The following SBF2 variants were observed in gnomAD, a reference collection of about 807,000 sequenced individuals.
SBF2 encodes the protein SET binding factor 2, also known as myotubularin-related protein 13.
In SBF2, 112 loss-of-function variants were observed where a neutral mutation model predicts 225.2. The ratio of observed to expected loss-of-function variants is 0.50; its 90% CI spans 0.43 to 0.58. The LOEUF is 0.58. Among genes scored for constraint, SBF2 ranks in the 20% least tolerant of loss-of-function variants. The pLI is 0.00. For synonymous variants in SBF2, 763 were observed against 773.3 expected, an observed-to-expected ratio of 0.99 and a Z score of 0.22; for missense variants, 1,996 against 2,206.2, an observed-to-expected ratio of 0.90 and a Z score of 1.91.
At position 10,272,005 on chromosome 11, in the gene SBF2, C is replaced by T. The variant is rs1380410415; in HGVS notation, c.55+22010G>A. On this transcript the variant is annotated intron_variant, in intron 1 of 39. Coordinates refer to ENST00000256190, the MANE Select transcript of SBF2 (RefSeq NM_030962.4). ...TTCTTGAGACTTGAAGGCAGTCATT[C>T]ATCACTTTGTGCTTGAAGGCATTCC... 3.1e-5 allele frequency: 29 copies of T among 923,350 alleles called. 7 individuals are homozygous for T. Among genetic ancestry groups the T allele is most frequent in the Non-Finnish European group, 4.6e-5 (29 of 630,026 alleles). The allele number at this position is 923,350 out of a possible 1,614,324, so 57.2% of individuals were successfully genotyped here.
At chr11:10,252,541 C>A (rs577256883) in intron 1 of SBF2, among the ~76,000 whole-genome samples, 1 of 152,214 alleles carries the variant, frequency 6.6e-6, no homozygotes, top group African/African-American at 2.4e-5. Flanking sequence ...CGGTGGCTCA[C>A]GCCTGTAATC....
intron 1 of SBF2, among the ~76,000 whole-genome samples, chr11:10,285,774 GCTTT>G (rs796441435): frequency 5.3e-5 from 8 of 152,216 alleles, no homozygotes; most frequent in African/African-American, 1.9e-4. Flanking sequence ...TTCTGTCATT[GCTTT>G]GTTTGTGCAT....
chr11:10,137,743 A>G (rs1165802099), intron 2 of SBF2, among the ~76,000 whole-genome samples: 1 of 152,148 alleles, frequency 6.6e-6, no homozygotes, highest in Non-Finnish European at 1.5e-5. Flanking sequence ...GCGGTGGTTC[A>G]CGTCTGTAAT....
chr11:10,229,615 G>A (rs1958738293), intron 1 of SBF2, among the ~76,000 whole-genome samples: 1 of 152,190 alleles, frequency 6.6e-6, no homozygotes, highest in Non-Finnish European at 1.5e-5. Flanking sequence ...CCATGTAGTT[G>A]AGTGGTTTTG....
intron 2 of SBF2, among the ~76,000 whole-genome samples, chr11:10,084,214 C>T (rs1202197680): frequency 1.3e-5 from 2 of 151,848 alleles, no homozygotes; most frequent in Non-Finnish European, 2.9e-5. Context: ...CATAACAAAC[C>T]TGCACATCCT....
rs1855976609 is a variant in SBF2, at chr11:9,839,704, G to T, written c.3257-8C>A. On this transcript the variant is annotated splice_region_variant and splice_polypyrimidine_tract_variant and intron_variant, in intron 25 of 39. Transcript: ENST00000256190. Reference sequence around the variant, plus strand: ...GCTCACTCTCATCTGAAACTGTGATGGTAGAGACAGATATCGAAGAAATGA... The same window carrying T: ...GCTCACTCTCATCTGAAACTGTGATTGTAGAGACAGATATCGAAGAAATGA... The T allele has an allele frequency of 1.2e-6, 2 of 1,610,160 alleles. No homozygotes were observed. Among genetic ancestry groups the T allele is most frequent in the Non-Finnish European group, 1.7e-6 (2 of 1,177,596 alleles).
chr11:10,175,483 C>T (rs1428407167), intron 2 of SBF2, among the ~76,000 whole-genome samples: 1 of 151,070 alleles, frequency 6.6e-6, no homozygotes, highest in Non-Finnish European at 1.5e-5. Flanking sequence ...ATATATGCAC[C>T]CAATACAGGA....
chr11:10,277,496 A>T (rs1169300371), intron 1 of SBF2, among the ~76,000 whole-genome samples: 1 of 152,212 alleles, frequency 6.6e-6, no homozygotes, highest in Non-Finnish European at 1.5e-5. Context: ...AATATTTACA[A>T]ACTACTATTA....
At chr11:10,243,931 T>C (rs7952229) in intron 1 of SBF2, among the ~76,000 whole-genome samples, 41,371 of 152,108 alleles carry the variant, frequency 0.27, 6,395 homozygotes, top group Non-Finnish European at 0.35. Flanking sequence ...AGGAAATTTG[T>C]AATCTTCTTT....
At chr11:10,288,270 G>A (rs917211367) in intron 1 of SBF2, among the ~76,000 whole-genome samples, 12 of 152,168 alleles carry the variant, frequency 7.9e-5, no homozygotes, top group African/African-American at 2.4e-4. Flanking sequence ...TTCTTGTTCT[G>A]TGACCAGGAA....
chr11:9,965,142 A>C (rs2134373788), intron 14 of SBF2, among the ~76,000 whole-genome samples: 1 of 152,308 alleles, frequency 6.6e-6, no homozygotes, highest in Admixed American at 6.5e-5. Context: ...CAAGCCAAAA[A>C]GACTACTTAT....
At chr11:10,084,691 A>C (rs1467240675) in intron 2 of SBF2, among the ~76,000 whole-genome samples, 1 of 152,260 alleles carries the variant, frequency 6.6e-6, no homozygotes, top group African/African-American at 2.4e-5. Context: ...CTAAGTGTCC[A>C]TCAACGGATG....
At chr11:9,979,046 T>G (rs928198606) in intron 13 of SBF2, among the ~76,000 whole-genome samples, 1 of 152,180 alleles carries the variant, frequency 6.6e-6, no homozygotes, top group Non-Finnish European at 1.5e-5. Context: ...GGAAACATCG[T>G]TTTTTCCTAT....
chr11:9,879,601 G>T (rs964009667), intron 17 of SBF2, among the ~76,000 whole-genome samples: 1 of 152,168 alleles, frequency 6.6e-6, no homozygotes, highest in African/African-American at 2.4e-5. Context: ...TGTATATCCA[G>T]TGACTGGTGA....
At chr11:9,914,149 A>G (rs76366910) in intron 16 of SBF2, among the ~76,000 whole-genome samples, 2,783 of 152,336 alleles carry the variant, frequency 0.018, 45 homozygotes, top group East Asian at 0.1. Flanking sequence ...AAATTATCAG[A>G]CCAGGAATTT....
intron 2 of SBF2, among the ~76,000 whole-genome samples, chr11:10,188,966 T>C (rs989420938): frequency 6.6e-6 from 1 of 152,234 alleles, no homozygotes; most frequent in African/African-American, 2.4e-5. Context: ...CTCAACTCTA[T>C]GCCAAATCAA....
At chr11:10,047,528 C>G (rs1949908526) in intron 2 of SBF2, among the ~76,000 whole-genome samples, 1 of 152,162 alleles carries the variant, frequency 6.6e-6, no homozygotes, top group Non-Finnish European at 1.5e-5. Flanking sequence ...GGCATATAAT[C>G]CAGTGGACGT....
In SBF2 at chr11:10,125,333, T is replaced by C. The variant is rs76866908; in HGVS notation, c.141+68569A>G. Among the ~76,000 whole-genome samples, 444 of 152,216 alleles carry C rather than the reference T, an allele frequency of 2.9e-3. 2 individuals carry two copies. Among genetic ancestry groups the C allele is most frequent in the Non-Finnish European group, 5.0e-3 (338 of 67,998 alleles). On this transcript the variant is annotated intron_variant, in intron 2 of 39. Transcript: ENST00000256190. ...ATTTTTGCAACCATATTTTCCCTTT[T>C]TTGCTATCTTCATTAAGTTTTTTTT...
At chr11:10,118,566 A>G (rs918534843) in intron 2 of SBF2, among the ~76,000 whole-genome samples, 1 of 152,156 alleles carries the variant, frequency 6.6e-6, no homozygotes, top group Non-Finnish European at 1.5e-5. Flanking sequence ...CAAAGAATTT[A>G]AATTCTATAA....
Sources: allele counts gnomAD v4.1 joint callset (sites outside exome capture counted in the v4.1 genomes callset), GRCh38; gene constraint gnomAD v4.1.1; transcripts MANE v1.5; gene names NCBI Gene and HGNC (gene_info 2026-07-23, HGNC 2026-07-21).